Variants in CPQ observed in about 807,000 individuals in gnomAD.
CPQ encodes carboxypeptidase Q.
A neutral mutation model predicts 45.7 loss-of-function variants in CPQ; 37 were observed. The observed-to-expected ratio is 0.81, with a 90% confidence interval of 0.62 to 1.07. CPQ has a LOEUF of 1.07. CPQ is among the 50% of genes least tolerant of loss of function. The pLI, the probability that CPQ is intolerant of heterozygous loss-of-function variation, is 0.00. For synonymous variants in CPQ, 186 were observed against 205.8 expected (o/e 0.90, Z 0.82); for missense variants, 537 against 572.9 (o/e 0.94, Z 0.64).
chr8:96,895,585 T>A (rs541218815), intron 4 of CPQ, among the ~76,000 whole-genome samples: 10 of 152,272 alleles, frequency 6.6e-5, no homozygotes, highest in African/African-American at 2.4e-4. Context: ...TTTTGAACTG[T>A]TTATGGGCTT....
intron 3 of CPQ, among the ~76,000 whole-genome samples, chr8:96,860,288 G>C (rs1293565959): frequency 1.3e-5 from 2 of 152,152 alleles, no homozygotes; most frequent in African/African-American, 4.8e-5. Context: ...ATATTCAGTA[G>C]AAAAAGCCAA....
intron 7 of CPQ, among the ~76,000 whole-genome samples, chr8:97,068,488 C>T (rs1391969483): frequency 6.6e-6 from 1 of 152,076 alleles, no homozygotes; most frequent in Non-Finnish European, 1.5e-5. Context: ...ACAAAGTTAG[C>T]CGGATGTGGT....
intron 3 of CPQ, among the ~76,000 whole-genome samples, chr8:96,840,362 G>A (rs1811590078): frequency 1.3e-5 from 2 of 152,140 alleles, no homozygotes; most frequent in South Asian, 4.2e-4. Flanking sequence ...TAATGTGGAG[G>A]AAATGGAGAA....
At chr8:96,842,111 C>T (rs187921684) in intron 3 of CPQ, among the ~76,000 whole-genome samples, 3 of 152,202 alleles carry the variant, frequency 2.0e-5, no homozygotes, top group Admixed American at 6.5e-5. Context: ...GGTGAAATGT[C>T]TTAAGAGGTC....
chr8:97,012,141 C>G (rs533608322), intron 5 of CPQ, among the ~76,000 whole-genome samples: 13 of 152,104 alleles, frequency 8.5e-5, no homozygotes, highest in Non-Finnish European at 1.5e-4. Flanking sequence ...GCCTTGGTTC[C>G]TGGACCAGGA....
Position 96,879,885 on chromosome 8 carries a change from A to C in CPQ, c.729A>C (p.Ser243=). The C allele has an allele frequency of 1.2e-6, 2 of 1,614,112 alleles. No individual in the cohort carries two copies. Among genetic ancestry groups the C allele is most frequent in the South Asian group, 2.2e-5 (2 of 91,078 alleles). ...CGGTGGAAGATGCAGAAATGATGTC[A>C]AGAATGGCTTCTCATGGGATCAAAA... ...CITVEDAEMM[S]RMASHGIKIV... Residue 243 remains serine, a synonymous_variant, in exon 4 of 8, where the codon TCA becomes TCC. Transcript: ENST00000220763.
chr8:96,871,502 A>G (rs187179036), intron 3 of CPQ, among the ~76,000 whole-genome samples: 2 of 142,200 alleles, frequency 1.4e-5, no homozygotes, highest in Admixed American at 1.4e-4. Flanking sequence ...TCAAATTGCT[A>G]CTGTGATAGC....
At chr8:97,111,983 T>C (rs1293556138) in intron 7 of CPQ, among the ~76,000 whole-genome samples, 2 of 152,042 alleles carry the variant, frequency 1.3e-5, no homozygotes, top group African/African-American at 4.8e-5. Flanking sequence ...AAATCCTTCA[T>C]CTTTAACCCT....
intron 3 of CPQ, among the ~76,000 whole-genome samples, chr8:96,874,696 C>T (rs901831147): frequency 1.3e-5 from 2 of 151,778 alleles, no homozygotes; most frequent in Non-Finnish European, 3.0e-5. Flanking sequence ...TGAGTAATTT[C>T]ATCATATGGC....
At chr8:96,738,109 A>T (rs886911856) in intron 1 of CPQ, among the ~76,000 whole-genome samples, 6 of 152,098 alleles carry the variant, frequency 3.9e-5, no homozygotes, top group Admixed American at 6.5e-5. Flanking sequence ...GATTCTCTGA[A>T]ATTTGTCAAT....
chr8:96,684,918 T>C (rs1809205717), intron 1 of CPQ, among the ~76,000 whole-genome samples: 1 of 151,496 alleles, frequency 6.6e-6, no homozygotes, highest in South Asian at 2.1e-4. Flanking sequence ...GTCAACATGG[T>C]AAAACTCCAT....
At chr8:96,948,912 G>C (rs1372163880) in intron 4 of CPQ, among the ~76,000 whole-genome samples, 2 of 151,936 alleles carry the variant, frequency 1.3e-5, no homozygotes, top group African/African-American at 2.4e-5. Context: ...TTTGTCTCTT[G>C]TGATAGTTTT....
intron 4 of CPQ, among the ~76,000 whole-genome samples, chr8:96,921,109 G>A (rs1812800267): frequency 6.6e-6 from 1 of 152,060 alleles, no homozygotes; most frequent in South Asian, 2.1e-4. Flanking sequence ...AGCCATTGAG[G>A]CTCTGAGAGT....
intron 7 of CPQ, among the ~76,000 whole-genome samples, chr8:97,108,230 T>A (rs566511293): frequency 2.0e-4 from 31 of 152,330 alleles, no homozygotes; most frequent in African/African-American, 7.5e-4. Flanking sequence ...ACTGGCATAG[T>A]TTCTCCATGA....
At chr8:96,693,930 A>C (rs908132338) in intron 1 of CPQ, among the ~76,000 whole-genome samples, 76 of 152,216 alleles carry the variant, frequency 5.0e-4, no homozygotes, top group African/African-American at 1.6e-3. Flanking sequence ...TAGGCAATAC[A>C]ATAAGATATA....
At chr8:96,803,036 G>A (rs538056000) in intron 2 of CPQ, among the ~76,000 whole-genome samples, 1 of 151,754 alleles carries the variant, frequency 6.6e-6, no homozygotes, top group East Asian at 1.9e-4. Flanking sequence ...CTCTTTGGAG[G>A]CCAAGAAGTC....
At chr8:97,108,682 A>G (rs936224504) in intron 7 of CPQ, among the ~76,000 whole-genome samples, 1 of 152,250 alleles carries the variant, frequency 6.6e-6, no homozygotes, top group African/African-American at 2.4e-5. Flanking sequence ...GCACTAAAGT[A>G]AAACTCCTTG....
At chr8:96,725,005 G>C (rs572087311) in intron 1 of CPQ, among the ~76,000 whole-genome samples, 1 of 152,262 alleles carries the variant, frequency 6.6e-6, no homozygotes, top group South Asian at 2.1e-4. Flanking sequence ...TTCGATAAGT[G>C]GTGCTGAGAT....
chr8:96,715,251 G>A (rs1809658701), intron 1 of CPQ, among the ~76,000 whole-genome samples: 1 of 152,144 alleles, frequency 6.6e-6, no homozygotes, highest in Non-Finnish European at 1.5e-5. Flanking sequence ...GTGAAACACA[G>A]TGAGTTCTCT....
Sources: gnomAD v4.1 joint callset for allele counts (sites outside exome capture counted in the v4.1 genomes callset) on GRCh38, gnomAD v4.1.1 for gene constraint, MANE v1.5 for transcripts, NCBI Gene and HGNC (gene_info 2026-07-23, HGNC 2026-07-21) for gene names.